The following TMEM74 variants were observed in gnomAD, a reference collection of about 807,000 sequenced individuals.
The protein encoded by TMEM74 is transmembrane protein 74.
A neutral mutation model predicts 18.1 loss-of-function variants in TMEM74; 13 were observed. The ratio of observed to expected loss-of-function variants is 0.72; its 90% CI spans 0.47 to 1.14. TMEM74 has a LOEUF of 1.14. TMEM74 is among the 50% of genes most tolerant of loss of function. TMEM74 has a pLI of 0.00. For synonymous variants in TMEM74, 159 were observed against 146.6 expected (o/e 1.08, Z -0.61); for missense variants, 372 against 375.9 (o/e 0.99, Z 0.09).
intron 1 of TMEM74, among the ~76,000 whole-genome samples, chr8:108,757,929 T>A (rs1813996274): frequency 6.6e-6 from 1 of 152,066 alleles, no homozygotes; most frequent in African/African-American, 2.4e-5. Context: ...TTGGATTGTG[T>A]GCTTTTTCTC....
chr8:108,646,644 T>G (rs752707757), intron 2 of TMEM74, among the ~76,000 whole-genome samples: 7 of 152,200 alleles, frequency 4.6e-5, no homozygotes, highest in African/African-American at 1.7e-4. Flanking sequence ...TGTTTTACAG[T>G]TTAATGAACT....
At position 108,609,383 on chromosome 8, in the gene TMEM74, C is replaced by T. The variant is rs567599420; in HGVS notation, n.265-557G>A. Among the ~76,000 whole-genome samples the T allele has an allele frequency of 4.4e-4, 67 of 152,304 alleles. 1 individual carries two copies. Among genetic ancestry groups the T allele is most frequent in the South Asian group, 3.1e-3 (15 of 4,822 alleles). On this transcript the variant is annotated intron_variant and non_coding_transcript_variant, in intron 2 of 3. Coordinates refer to the TMEM74 transcript ENST00000518838. The stretch of plus-strand genomic sequence containing the variant: ...ATATTCAGGGCTGGGTGTGGTGGCT[C>T]ACACCTGTAATCCCAGCACTTTGGA...
At chr8:108,647,041 A>G (rs1812727374) in intron 2 of TMEM74, among the ~76,000 whole-genome samples, 1 of 152,034 alleles carries the variant, frequency 6.6e-6, no homozygotes, top group Non-Finnish European at 1.5e-5. Context: ...GTAACTCACC[A>G]TCTCCTTTTT....
At chr8:108,621,635 C>A (rs75030205) in intron 2 of TMEM74, among the ~76,000 whole-genome samples, 1,825 of 152,178 alleles carry the variant, frequency 0.012, 47 homozygotes, top group African/African-American at 0.042. Flanking sequence ...TCCATGTGGA[C>A]GTGTGGGTGA....
intron 1 of TMEM74, among the ~76,000 whole-genome samples, chr8:108,729,133 C>T (rs1424706651): frequency 2.6e-5 from 4 of 152,178 alleles, no homozygotes; most frequent in African/African-American, 7.2e-5. Flanking sequence ...GAGCTGCATT[C>T]CTTACTGAAG....
intron 2 of TMEM74, among the ~76,000 whole-genome samples, chr8:108,623,638 C>G (rs115651218): frequency 6.6e-6 from 1 of 152,158 alleles, no homozygotes; most frequent in East Asian, 1.9e-4. Flanking sequence ...CCTAATTGAT[C>G]AGTTGCAAGT....
At position 108,782,760 on chromosome 8, in the gene TMEM74, C is replaced by T. The variant is rs1021796274; in HGVS notation, c.*1421G>A. ...TCCTGTCCTCTTTTTAAGAATGACC[C>T]CCTGATCCTGGTAACACAATCATGG... On this transcript the variant is annotated 3_prime_UTR_variant, in exon 2 of 2. Coordinates refer to ENST00000297459, the MANE Select transcript of TMEM74 (RefSeq NM_153015.3). 6.6e-6 allele frequency among the ~76,000 whole-genome samples: 1 copy of T among 152,190 alleles called. No individual in the cohort carries two copies. The highest frequency in any genetic ancestry group is 2.4e-5 in the African/African-American group (1 of 41,430).
chr8:108,787,349 G>A (rs546507380), intron 1 of TMEM74, 127 bp downstream of exon 1: 1 of 152,354 alleles, frequency 6.6e-6, no homozygotes, highest in African/African-American at 2.4e-5. Context: ...TCGAGGTACG[G>A]ATGTGTCCGC....
chr8:108,690,631 C>G (rs989920175), intron 1 of TMEM74, among the ~76,000 whole-genome samples: 1 of 151,724 alleles, frequency 6.6e-6, no homozygotes, highest in Non-Finnish European at 1.5e-5. Context: ...CTGGATAACA[C>G]GCTGAAACCC....
intron 1 of TMEM74, among the ~76,000 whole-genome samples, chr8:108,765,294 T>G (rs1814091671): frequency 6.6e-6 from 1 of 152,154 alleles, no homozygotes; most frequent in South Asian, 2.1e-4. Context: ...ATACTGGAAT[T>G]TTTAGTCAAG....
intron 1 of TMEM74, among the ~76,000 whole-genome samples, chr8:108,744,530 C>T (rs764401363): frequency 5.3e-5 from 8 of 152,078 alleles, no homozygotes; most frequent in Non-Finnish European, 1.2e-4. Flanking sequence ...AGTTACATTC[C>T]TATGAGACAC....
intron 1 of TMEM74, among the ~76,000 whole-genome samples, chr8:108,786,394 T>C (rs1289708572): frequency 6.6e-6 from 1 of 152,156 alleles, no homozygotes; most frequent in Non-Finnish European, 1.5e-5. Flanking sequence ...TGATAATTGA[T>C]TTAACCCAAC....
chr8:108,703,625 T>C (rs1366849652), intron 1 of TMEM74, among the ~76,000 whole-genome samples: 2 of 152,228 alleles, frequency 1.3e-5, no homozygotes, highest in African/African-American at 2.4e-5. Context: ...TTTGCCTGTT[T>C]CATACTTATG....
chr8:108,655,593 C>A (rs1041152724), intron 1 of TMEM74, among the ~76,000 whole-genome samples: 4 of 152,074 alleles, frequency 2.6e-5, no homozygotes, highest in Non-Finnish European at 4.4e-5. Context: ...AGAAAATGCA[C>A]CTCCATGGAA....
At chr8:108,698,365 C>T (rs1299497673) in intron 1 of TMEM74, among the ~76,000 whole-genome samples, 1 of 152,118 alleles carries the variant, frequency 6.6e-6, no homozygotes, top group African/African-American at 2.4e-5. Flanking sequence ...TGGGTTCAAG[C>T]CCTGCTTCCA....
intron 1 of TMEM74, among the ~76,000 whole-genome samples, chr8:108,673,719 GA>G (rs1461335514): frequency 1.3e-5 from 2 of 152,168 alleles, no homozygotes; most frequent in Non-Finnish European, 2.9e-5. Context: ...AAGTAGAGGG[GA>G]CAAAAAGAAA....
intron 1 of TMEM74, among the ~76,000 whole-genome samples, chr8:108,663,389 T>A (rs1397243020): frequency 6.6e-6 from 1 of 152,100 alleles, no homozygotes; most frequent in Non-Finnish European, 1.5e-5. Context: ...TTTAGAGAAA[T>A]GCAAATCAAA....
At chr8:108,732,479 T>C (rs1372570532) in intron 1 of TMEM74, among the ~76,000 whole-genome samples, 2 of 152,144 alleles carry the variant, frequency 1.3e-5, no homozygotes, top group Non-Finnish European at 2.9e-5. Flanking sequence ...AAGAAGCACT[T>C]GATTTCAAGA....
At chr8:108,773,093 A>G (rs982773498) in intron 1 of TMEM74, among the ~76,000 whole-genome samples, 2 of 152,084 alleles carry the variant, frequency 1.3e-5, no homozygotes, top group African/African-American at 4.8e-5. Flanking sequence ...TGGCACTGAA[A>G]AGGAGAGGAA....
Sources: gnomAD v4.1 joint callset for allele counts (sites outside exome capture counted in the v4.1 genomes callset) on GRCh38, gnomAD v4.1.1 for gene constraint, MANE v1.5 for transcripts, NCBI Gene and HGNC (gene_info 2026-07-23, HGNC 2026-07-21) for gene names.